The following MARVELD3 variants were observed in gnomAD, a reference collection of about 807,000 sequenced individuals.
MARVELD3 encodes the protein MARVEL domain containing 3, also known as MARVEL domain-containing protein 3.
In MARVELD3, 28 loss-of-function variants were observed where a neutral mutation model predicts 33.5. The ratio of observed to expected loss-of-function variants is 0.84; its 90% confidence interval spans 0.62 to 1.15. The LOEUF is 1.15. MARVELD3 is among the 50% of genes most tolerant of loss of function. The pLI, the probability that MARVELD3 is intolerant of heterozygous loss-of-function variation, is 0.00. For missense variants in MARVELD3, 582 were observed against 547.6 expected (o/e 1.06, Z -0.63); for synonymous variants, 241 against 230.4 (o/e 1.05, Z -0.42).
In MARVELD3 at chr16:71,635,190, G is replaced by A. The variant is rs1384107907; in HGVS notation, c.*387G>A. The A allele has an allele frequency of 4.1e-5, 30 of 733,728 alleles. No homozygotes were observed. Among genetic ancestry groups the A allele is most frequent in the Non-Finnish European group, 4.5e-5 (27 of 598,360 alleles). The allele number at this position is 733,728 out of a possible 1,614,324, so 45.5% of individuals were successfully genotyped here. ...TAAAATACAAAAAAATTAGCCAGGC[G>A]TGGTGGCGGGCGCCTGTAATCCCAG... is the stretch of plus-strand genomic sequence containing the variant. On this transcript the variant is annotated 3_prime_UTR_variant, in exon 3 of 3. Transcript: ENST00000268485.
At chr16:71,627,221 G>A (rs964471660) in intron 1 of MARVELD3, among the ~76,000 whole-genome samples, 1 of 152,246 alleles carries the variant, frequency 6.6e-6, no homozygotes, top group African/African-American at 2.4e-5. Flanking sequence ...AGAAACAGGT[G>A]GGCCGGCGCG....
downstream of MARVELD3, chr16:71,640,931 G>T: frequency 2.5e-6 from 4 of 1,614,098 alleles, no homozygotes; most frequent in Non-Finnish European, 3.4e-6. Context: ...TGCTGGCCCT[G>T]CGTAGCTACC....
rs2044560603 is a variant in MARVELD3, at chr16:71,634,290, C to T, written c.693C>T (p.Ser231=). The stretch of plus-strand genomic sequence containing the variant: ...CAGGGGGCTACACGGGCATCACCAG[C>T]TTGGGGGGCATTTACTACTATCAGT... The part of the protein sequence containing the change: ...SSTGGYTGIT[S]LGGIYYYQFG... The change falls in exon 3 of 3, where the codon AGC becomes AGT. Residue 231 remains serine, a synonymous_variant. Coordinates refer to ENST00000268485, the MANE Select transcript of MARVELD3 (RefSeq NM_052858.6). 2 of 1,614,174 alleles carry T rather than the reference C, an allele frequency of 1.2e-6. No homozygotes were observed. The highest frequency in any genetic ancestry group is 1.3e-5 in the African/African-American group (1 of 75,036).
At chr16:71,629,819 G>C (rs1001932592) in intron 2 of MARVELD3, 4 of 383,862 alleles carry the variant, frequency 1.0e-5, no homozygotes, top group African/African-American at 8.3e-5. Context: ...CCAGCTGTCA[G>C]AGGAGGGATC....
In MARVELD3 at chr16:71,626,491, G is replaced by T. The variant is rs372441129; in HGVS notation, c.262G>T (p.Gly88Cys). 1 of 1,549,618 alleles carries T rather than the reference G, an allele frequency of 6.5e-7. No homozygotes were observed. The highest frequency in any genetic ancestry group is 2.0e-5 in the Admixed American group (1 of 50,994). Residue 88 changes from glycine to cysteine, a missense_variant, in exon 1 of 3, where the codon GGC becomes TGC. Physicochemically the swap from Gly to Cys is radical, Grantham distance 159. Transcript: ENST00000268485. This position sits in a 1 kb window ranked among gnomAD's most constrained non-coding sequence, Gnocchi z 5.3. The stretch of plus-strand genomic sequence containing the variant: ...AGAGAGGGAAAGAGACCCGGACCGA[G>T]GCCCCCGCCGGGACACACACAGGGA... ...ERERERDPDR[G>C]PRRDTHRDAG...
chr16:71,640,414 T>C (rs1567607274), downstream of MARVELD3: 1 of 1,613,932 alleles, frequency 6.2e-7, no homozygotes. Flanking sequence ...GTGGAGGTGG[T>C]CTTGAATGGG....
Position 71,635,073 on chromosome 16 carries a change from A to ACC in MARVELD3, c.*273_*274dup, listed in dbSNP as rs1332967683. 1 of 1,093,794 alleles carries ACC rather than the reference A, an allele frequency of 9.1e-7. No homozygotes were observed. The highest frequency in any genetic ancestry group is 1.1e-6 in the Non-Finnish European group (1 of 895,556). The allele number at this position is 1,093,794 out of a possible 1,614,324, so 67.8% of individuals were successfully genotyped here. A position where few individuals can be genotyped will look rare whatever the true frequency, so the allele number is the denominator to read the frequency against. On this transcript the variant is annotated 3_prime_UTR_variant, in exon 3 of 3. Transcript: ENST00000268485. ...CCGGCCTCGGCGGCTCACACCTGTA[A>ACC]CCCCAGCACTTTGGGAGGCTGAGGT...
downstream of MARVELD3, among the ~76,000 whole-genome samples, chr16:71,637,184 G>C (rs1216727340): frequency 6.6e-6 from 1 of 152,126 alleles, no homozygotes; most frequent in African/African-American, 2.4e-5. Context: ...GAATATCATT[G>C]GACCCAGCAG....
At chr16:71,640,260 G>A (rs533259145), downstream of MARVELD3, 24 of 976,358 alleles carry the variant, frequency 2.5e-5, no homozygotes, top group Non-Finnish European at 3.0e-5. Flanking sequence ...GAGTGACACC[G>A]TCTCAAAAAA....
rs1353935944 is a variant in MARVELD3 at position 71,634,613 on chromosome 16, A to G, written c.1016A>G (p.Glu339Gly). 1 of 1,614,158 alleles carries G rather than the reference A, an allele frequency of 6.2e-7. No individual in the cohort carries two copies. Among genetic ancestry groups the G allele is most frequent in the Non-Finnish European group, 8.5e-7 (1 of 1,180,040 alleles). ...GCCTATGGCTCTCCTGTGTGTAAAGAGAGGCAGGCGCTGTACCAAAGCAAA... is the reference window on the plus strand; with the variant it reads ...GCCTATGGCTCTCCTGTGTGTAAAGGGAGGCAGGCGCTGTACCAAAGCAAA... ...SAAYGSPVCKERQALYQSKGY... is the reference protein window; with the variant it reads ...SAAYGSPVCKGRQALYQSKGY... Residue 339 changes from glutamate (E) to glycine (G), a missense_variant, in exon 3 of 3, where the codon GAG becomes GGG. By Grantham distance (98) the Glu-to-Gly change is moderately conservative (BLOSUM62 -2). Transcript: ENST00000268485.
chr16:71,634,388 A>G lies in MARVELD3; in HGVS notation c.791A>G (p.Gln264Arg), dbSNP rs2044562012. 6.2e-7 allele frequency: 1 copy of G among 1,614,106 alleles called. No individual in the cohort carries two copies. Among genetic ancestry groups the G allele is most frequent in the South Asian group, 1.1e-5 (1 of 91,090 alleles). The change falls in exon 3 of 3, where the codon CAG (glutamine) becomes CGG (arginine). Residue 264 changes from glutamine to arginine, a missense_variant. Coordinates refer to ENST00000268485, the MANE Select transcript of MARVELD3 (RefSeq NM_052858.6). ...CAGCAACTGGATGTCCAGTTCTACC[A>G]GCTAAAGCTGCCCATGGTCACTGTG... Reference protein sequence around the residue: ...KAQQLDVQFYQLKLPMVTVAM... With the variant: ...KAQQLDVQFYRLKLPMVTVAM...
rs1216204859 is a variant in MARVELD3 at position 71,626,219 on chromosome 16, G to C, written c.-11G>C. ...TCAGGTCGCTCCCGGGCGGGGACAC[G>C]GAACCCGGCCATGGAAGATCCGTCG... On this transcript the variant is annotated 5_prime_UTR_variant, in exon 1 of 3. Coordinates refer to ENST00000268485, the MANE Select transcript of MARVELD3 (RefSeq NM_052858.6). The surrounding 1 kb of genome is among the most constrained non-coding windows in gnomAD (Gnocchi z 5.3). 4 of 1,455,660 alleles carry C rather than the reference G, an allele frequency of 2.7e-6. No homozygotes were observed. The East Asian group carries it at 1.0e-4, about 37-fold the overall frequency. The allele number at this position is 1,455,660 out of a possible 1,614,324, so 90.2% of individuals were successfully genotyped here. A position where few individuals can be genotyped will look rare whatever the true frequency, so the allele number is the denominator to read the frequency against.
Position 71,635,634 on chromosome 16 carries a change from T to C in MARVELD3, c.*831T>C. On this transcript the variant is annotated 3_prime_UTR_variant, in exon 3 of 3. Coordinates refer to ENST00000268485, the MANE Select transcript of MARVELD3 (RefSeq NM_052858.6). ...AAATACCAAAAAAAAAAAAAGTTCA[T>C]GGAGAGCCACATAGACATGAGACCA... 1.0e-6 allele frequency: 1 copy of C among 984,742 alleles called. No individual in the cohort carries two copies. The highest frequency in any genetic ancestry group is 1.2e-6 in the Non-Finnish European group (1 of 829,822). The allele number at this position is 984,742 out of a possible 1,614,324, so 61.0% of individuals were successfully genotyped here.
chr16:71,627,290 G>A (rs2044483813), intron 1 of MARVELD3, among the ~76,000 whole-genome samples: 1 of 152,344 alleles, frequency 6.6e-6, no homozygotes, highest in East Asian at 1.9e-4. Flanking sequence ...ATCACCTGAG[G>A]CCAGGAGTTC....
chr16:71,630,740 C>G (rs1035451900), intron 2 of MARVELD3, among the ~76,000 whole-genome samples: 27 of 152,122 alleles, frequency 1.8e-4, no homozygotes, highest in Admixed American at 1.7e-3. Context: ...TTCACACACA[C>G]ACAGAAACAA....
chr16:71,636,866 T>C (rs895453164), downstream of MARVELD3, among the ~76,000 whole-genome samples: 1 of 152,150 alleles, frequency 6.6e-6, no homozygotes, highest in Non-Finnish European at 1.5e-5. Context: ...GCTGGGATTA[T>C]AGGCGTGAGC....
At chr16:71,638,440 T>TA (rs1279422433), downstream of MARVELD3, 1 of 149,288 alleles carries the variant, frequency 6.7e-6, no homozygotes, top group East Asian at 1.9e-4. Context: ...ATGGTACACT[T>TA]ACTTTTGTGG....
Position 71,629,369 on chromosome 16 carries a change from A to G in MARVELD3, c.470A>G (p.Glu157Gly). The G allele has an allele frequency of 6.5e-7, 1 of 1,543,286 alleles. No homozygotes were observed. The highest frequency in any genetic ancestry group is 1.3e-5 in the South Asian group (1 of 78,628). The change falls in exon 2 of 3, where the codon GAA becomes GGA. Residue 157 changes from glutamate to glycine, a missense_variant and splice_region_variant. Glu to Gly is a moderately conservative substitution (Grantham distance 98). Transcript: ENST00000268485. ...GDPGRRRPES[E>G]PPSERYLPST... is the part of the protein sequence containing the mutation. ...CCATGTATGCTTTTTGGTTATAGTG[A>G]ACCCCCTTCGGAGAGATATCTGCCC...
chr16:71,629,759 G>C (rs1292363932), intron 2 of MARVELD3: 2 of 452,054 alleles, frequency 4.4e-6, no homozygotes, highest in African/African-American at 2.1e-5. Context: ...GCAGCTTTCA[G>C]ACTCCAGGTG....
Sources: gnomAD v4.1 joint callset for allele counts (sites outside exome capture counted in the v4.1 genomes callset) on GRCh38, gnomAD v4.1.1 for gene constraint, Gnocchi (gnomAD v3.1) non-coding constraint, MANE v1.5 for transcripts, NCBI Gene and HGNC (gene_info 2026-07-23, HGNC 2026-07-21) for gene names.